The following NIBAN2 variants were observed in gnomAD, a reference collection of about 807,000 sequenced individuals.
The protein encoded by NIBAN2 is protein Niban 2.
Under a neutral mutation model 81.8 loss-of-function variants are expected in NIBAN2, and 36 were observed. The ratio of observed to expected loss-of-function variants is 0.44; its 90% CI spans 0.34 to 0.58. The LOEUF is 0.58. Among genes scored for constraint, NIBAN2 ranks in the 20% least tolerant of loss-of-function variants. NIBAN2 has a pLI of 0.02. For synonymous variants in NIBAN2, 445 were observed against 441.6 expected (o/e 1.01, Z -0.10); for missense variants, 897 against 1,014.1 (o/e 0.88, Z 1.57).
chr9:127,526,911 AAG>A (rs1837077303), intron 3 of NIBAN2, among the ~76,000 whole-genome samples: 1 of 151,222 alleles, frequency 6.6e-6, no homozygotes, highest in South Asian at 2.1e-4. Context: ...GGAGGGACTG[AAG>A]AGAGATTAGG....
At chr9:127,527,360 TGGG>T in intron 2 of NIBAN2, 38 bp from the exon 3 acceptor site, 2 of 1,567,682 alleles carry the variant, frequency 1.3e-6, no homozygotes, top group Non-Finnish European at 1.7e-6. Flanking sequence ...GGCCCAGGTC[TGGG>T]GGGGTGGTGC....
intron 1 of NIBAN2, among the ~76,000 whole-genome samples, chr9:127,567,932 G>A (rs1049278909): frequency 2.0e-5 from 3 of 152,162 alleles, no homozygotes; most frequent in African/African-American, 7.2e-5. Flanking sequence ...TTCCACCCAG[G>A]GCAGCTCCAC....
rs1836625781 is a variant in NIBAN2, at chr9:127,507,308, T to C, written c.1778A>G (p.Tyr593Cys). 6.3e-7 allele frequency: 1 copy of C among 1,589,602 alleles called. No homozygotes were observed. Among genetic ancestry groups the C allele is most frequent in the African/African-American group, 1.3e-5 (1 of 74,194 alleles). ...GCTGCCGCCCCCGCCGCTGTTGCTG[T>C]ACTCCTCGCCCCAGTCGATGGGGGC... Reference protein sequence around the residue: ...EGAPIDWGEEYSNSGGGGSPS... With the variant: ...EGAPIDWGEECSNSGGGGSPS... The change falls in exon 14 of 14, where the codon TAC becomes TGC. Residue 593 changes from tyrosine to cysteine, a missense_variant. This residue lies in a region of NIBAN2 where 619 missense variants were observed against 691.0 expected (regional missense o/e 0.90). Coordinates refer to ENST00000373312, the MANE Select transcript of NIBAN2 (RefSeq NM_022833.4). This position sits in a 1 kb window ranked among gnomAD's most constrained non-coding sequence, Gnocchi z 6.8.
intron 8 of NIBAN2, among the ~76,000 whole-genome samples, chr9:127,514,703 T>TCCAA (rs1282117903): frequency 1.3e-5 from 2 of 152,222 alleles, no homozygotes; most frequent in Non-Finnish European, 2.9e-5. Flanking sequence ...TTCCTTTGGG[T>TCCAA]GGGGACCATC....
intron 1 of NIBAN2, among the ~76,000 whole-genome samples, chr9:127,538,620 C>G (rs1837321759): frequency 7.6e-6 from 1 of 131,608 alleles, no homozygotes; most frequent in Admixed American, 8.5e-5. Flanking sequence ...CAGTGAGACT[C>G]CATCTCAAAG....
At chr9:127,535,618 C>A (rs1027864563) in intron 1 of NIBAN2, among the ~76,000 whole-genome samples, 3 of 152,210 alleles carry the variant, frequency 2.0e-5, no homozygotes, top group South Asian at 4.1e-4. Context: ...GCTGAGGGGA[C>A]CCAGGCAAGG....
intron 5 of NIBAN2, among the ~76,000 whole-genome samples, chr9:127,523,071 G>A (rs1449404373): frequency 6.7e-6 from 1 of 148,980 alleles, no homozygotes; most frequent in Non-Finnish European, 1.5e-5. Flanking sequence ...GAATAAATGA[G>A]TGAGCTGGAA....
chr9:127,539,123 A>T (rs1395426152), intron 1 of NIBAN2, among the ~76,000 whole-genome samples: 1 of 151,980 alleles, frequency 6.6e-6, no homozygotes, highest in Non-Finnish European at 1.5e-5. Flanking sequence ...TACAATAAAG[A>T]TCTAATTTGG....
chr9:127,568,715 C>CT (rs1795875304), intron 1 of NIBAN2, 105 bp downstream of exon 1: 1 of 1,032,228 alleles, frequency 9.7e-7, no homozygotes, highest in Admixed American at 4.6e-5. Flanking sequence ...CCCGGCCTGA[C>CT]TCCCCCGAGC....
Position 127,568,963 on chromosome 9 carries a change from G to T in NIBAN2, c.-89C>A. 8.7e-7 allele frequency: 1 copy of T among 1,152,624 alleles called. No individual in the cohort carries two copies. The highest frequency in any genetic ancestry group is 1.1e-6 in the Non-Finnish European group (1 of 943,438). The allele number at this position is 1,152,624 out of a possible 1,614,324, so 71.4% of individuals were successfully genotyped here. On this transcript the variant is annotated 5_prime_UTR_variant, in exon 1 of 14. Coordinates refer to ENST00000373312, the MANE Select transcript of NIBAN2 (RefSeq NM_022833.4). Reference sequence around the variant, plus strand: ...GACGCCGCTGGCGCCATGGAGCCCGGCCCGCCCTGCTTCCCCCGCTCCCGC... The same window carrying T: ...GACGCCGCTGGCGCCATGGAGCCCGTCCCGCCCTGCTTCCCCCGCTCCCGC...
At chr9:127,513,461 G>C (rs1227024889) in intron 8 of NIBAN2, among the ~76,000 whole-genome samples, 1 of 152,158 alleles carries the variant, frequency 6.6e-6, no homozygotes, top group Non-Finnish European at 1.5e-5. Flanking sequence ...TCTAAGTCAT[G>C]GGATGAGATA....
intron 8 of NIBAN2, among the ~76,000 whole-genome samples, chr9:127,513,074 G>C (rs772988877): frequency 3.9e-5 from 6 of 152,186 alleles, no homozygotes; most frequent in Non-Finnish European, 8.8e-5. Context: ...CAACAACATG[G>C]TTGGAGCTGG....
At chr9:127,547,843 C>CA (rs938054195) in intron 1 of NIBAN2, among the ~76,000 whole-genome samples, 4 of 151,922 alleles carry the variant, frequency 2.6e-5, no homozygotes, top group East Asian at 1.9e-4. Context: ...ACCTCAAAAA[C>CA]AAAAAAACAA....
At chr9:127,520,889 A>T (rs1564300154) in intron 5 of NIBAN2, among the ~76,000 whole-genome samples, 1 of 152,166 alleles carries the variant, frequency 6.6e-6, no homozygotes, top group Non-Finnish European at 1.5e-5. Flanking sequence ...GTCTCAAAAA[A>T]GAAGAAAAAA....
Position 127,568,996 on chromosome 9 carries a change from G to C in NIBAN2, c.-122C>G, listed in dbSNP as rs1837909450. ...TGCTTCCCCCGCTCCCGCCGCTCCC[G>C]CCGCTCCCGCCGCCCGGCTGCGGCT... is the stretch of plus-strand genomic sequence containing the variant. On this transcript the variant is annotated 5_prime_UTR_variant, in exon 1 of 14. Coordinates refer to ENST00000373312, the MANE Select transcript of NIBAN2 (RefSeq NM_022833.4). 1 of 1,113,180 alleles carries C rather than the reference G, an allele frequency of 9.0e-7. No homozygotes were observed. The highest frequency in any genetic ancestry group is 1.8e-5 in the African/African-American group (1 of 55,556). The allele number at this position is 1,113,180 out of a possible 1,614,324, so 69.0% of individuals were successfully genotyped here.
intron 5 of NIBAN2, among the ~76,000 whole-genome samples, chr9:127,522,473 A>C (rs1213430620): frequency 1.3e-5 from 2 of 152,082 alleles, no homozygotes; most frequent in African/African-American, 4.8e-5. Context: ...CCCTAGGGGC[A>C]GAAAGACCCC....
chr9:127,527,690 C>A (rs1291398843), intron 2 of NIBAN2, among the ~76,000 whole-genome samples: 1 of 152,190 alleles, frequency 6.6e-6, no homozygotes, highest in Non-Finnish European at 1.5e-5. Flanking sequence ...TTGCTCCCCA[C>A]CCACCTACAG....
At chr9:127,521,677 C>T (rs1193480147) in intron 5 of NIBAN2, among the ~76,000 whole-genome samples, 1 of 152,120 alleles carries the variant, frequency 6.6e-6, no homozygotes, top group African/African-American at 2.4e-5. Context: ...AGGCCTGAAA[C>T]CAGCCTCGTC....
intron 8 of NIBAN2, 67 bp downstream of exon 8, chr9:127,516,790 C>A: frequency 6.8e-7 from 1 of 1,473,738 alleles, no homozygotes; most frequent in Non-Finnish European, 9.3e-7. Flanking sequence ...TTACATGAAT[C>A]ATGAAATAAA....
Sources: gnomAD v4.1 joint callset for allele counts (sites outside exome capture counted in the v4.1 genomes callset) on GRCh38, gnomAD v4.1.1 for gene constraint, gnomAD v4.1.1 regional missense constraint, Gnocchi (gnomAD v3.1) non-coding constraint, MANE v1.5 for transcripts, NCBI Gene and HGNC (gene_info 2026-07-23, HGNC 2026-07-21) for gene names.